The following SETBP1 variants were observed in gnomAD, a reference collection of about 807,000 sequenced individuals.
The protein encoded by SETBP1 is SET binding protein 1, also known as SET-binding protein.
A neutral mutation model predicts 101.0 loss-of-function variants in SETBP1; 9 were observed. The observed-to-expected ratio is 0.09, with a 90% CI of 0.05 to 0.16. The LOEUF (loss-of-function observed/expected upper bound fraction) is 0.16, where lower values mean the gene tolerates loss of function less well. Among genes scored for constraint, SETBP1 ranks in the 10% least tolerant of loss-of-function variants. The pLI is 1.00. For missense variants in SETBP1, 1,858 were observed against 2,033.8 expected, an observed-to-expected ratio of 0.91 and a Z score of 1.66; for synonymous variants, 818 against 788.5, an observed-to-expected ratio of 1.04 and a Z score of -0.63.
chr18:44,972,294 T>C (rs1232034814), intron 4 of SETBP1, among the ~76,000 whole-genome samples: 1 of 152,218 alleles, frequency 6.6e-6, no homozygotes, highest in Non-Finnish European at 1.5e-5. Context: ...CAGTATAGTT[T>C]GAAGTCAGGT....
intron 3 of SETBP1, among the ~76,000 whole-genome samples, chr18:44,891,317 C>A (rs1301925344): frequency 6.6e-6 from 1 of 152,076 alleles, no homozygotes; most frequent in Non-Finnish European, 1.5e-5. Context: ...CACATCAATA[C>A]AAAATGAAAT....
intron 3 of SETBP1, among the ~76,000 whole-genome samples, chr18:44,905,893 C>T (rs1432576207): frequency 6.6e-6 from 1 of 152,200 alleles, no homozygotes; most frequent in Non-Finnish European, 1.5e-5. Context: ...CCCTTGCCTC[C>T]ATGCCAGAAA....
chr18:45,040,591 A>G (rs2073489075), intron 5 of SETBP1, among the ~76,000 whole-genome samples: 1 of 152,134 alleles, frequency 6.6e-6, no homozygotes, highest in Non-Finnish European at 1.5e-5. Context: ...GGCCAAAGAC[A>G]GGTGGTCCCC....
chr18:44,866,046 G>A (rs1232423571), intron 2 of SETBP1, among the ~76,000 whole-genome samples: 1 of 152,178 alleles, frequency 6.6e-6, no homozygotes, highest in African/African-American at 2.4e-5. Flanking sequence ...ACATTTTACT[G>A]TTTCAACCAG....
intron 1 of SETBP1, chr18:44,697,151 C>A (rs945808700): frequency 6.6e-6 from 1 of 152,230 alleles, no homozygotes; most frequent in Non-Finnish European, 1.5e-5. Context: ...CCTTGGCTTC[C>A]CCAACTCTGA....
In SETBP1 at chr18:44,953,312, A is replaced by G; in HGVS notation, c.3972A>G (p.Arg1324=). 1 of 1,613,868 alleles carries G rather than the reference A, an allele frequency of 6.2e-7. No homozygotes were observed. The highest frequency in any genetic ancestry group is 8.5e-7 in the Non-Finnish European group (1 of 1,179,986). The change falls in exon 4 of 6, where the codon AGA becomes AGG. Residue 1324 remains arginine, a synonymous_variant. Coordinates refer to ENST00000649279, the MANE Select transcript of SETBP1 (RefSeq NM_015559.3). Reference sequence around the variant, plus strand: ...CCTTCAAGATGAACCGCAAGGAGAGAAGTTCTTATGACTCCTCCATGTCTC... The same window carrying G: ...CCTTCAAGATGAACCGCAAGGAGAGGAGTTCTTATGACTCCTCCATGTCTC... ...IQAFKMNRKE[R]SSYDSSMSPG...
chr18:45,067,618 T>C lies in SETBP1; in HGVS notation c.*3920T>C, dbSNP rs1011212783. The C allele has an allele frequency of 6.6e-6, 1 of 152,206 alleles. No homozygotes were observed. The highest frequency in any genetic ancestry group is 2.4e-5 in the African/African-American group (1 of 41,444). 9.4% of individuals were successfully genotyped at this position (152,206 alleles called of 1,614,324 possible). ...TGGTCCAAATGCCAGAGCTTACAGA[T>C]AATGTCATCACAGTGCCTAGAAACT... is the stretch of plus-strand genomic sequence containing the variant. On this transcript the variant is annotated 3_prime_UTR_variant, in exon 6 of 6. Transcript: ENST00000649279.
intron 4 of SETBP1, chr18:44,988,853 T>C (rs1012613066): frequency 3.3e-5 from 5 of 152,124 alleles, no homozygotes; most frequent in African/African-American, 1.2e-4. Flanking sequence ...CTCATATGAA[T>C]AGGGGGTCAG....
intron 3 of SETBP1, among the ~76,000 whole-genome samples, 164 bp from the exon 4 acceptor site, chr18:44,949,717 C>T (rs1440342288): frequency 2.0e-5 from 3 of 152,176 alleles, no homozygotes; most frequent in African/African-American, 7.2e-5. Flanking sequence ...ATTGAGAAAA[C>T]CTCTGTAAGA....
intron 4 of SETBP1, among the ~76,000 whole-genome samples, chr18:45,012,344 G>T (rs999514111): frequency 1.3e-5 from 2 of 152,142 alleles, no homozygotes; most frequent in African/African-American, 4.8e-5. Flanking sequence ...GCAGATTTCG[G>T]ATTGGCTAGT....
Position 45,013,434 on chromosome 18 carries a change from C to CTTTCTTTCT in SETBP1, c.4001-25048_4001-25047insCTTTCTTTT, listed in dbSNP as rs573114558. On this transcript the variant is annotated intron_variant, in intron 4 of 5. Coordinates refer to ENST00000649279, the MANE Select transcript of SETBP1 (RefSeq NM_015559.3). ...TGACTCTTTCTTTCTTTCTTTCTTT[C>CTTTCTTTCT]TTTTTTTTTGTTTTTTGTTTTTTGA... 5.2e-3 allele frequency among the ~76,000 whole-genome samples: 788 copies of CTTTCTTTCT among 150,492 alleles called. 3 individuals are homozygous for CTTTCTTTCT. The highest frequency in any genetic ancestry group is 0.018 in the African/African-American group (737 of 40,634).
rs141855375 is a variant in SETBP1 at position 44,863,691 on chromosome 18, C to G, written c.487-5539C>G. ...AGGCTTACTTAACAAAAGGATGGTA[C>G]CTTTGAGGGTAAATTTGAAAATGGG... is the stretch of plus-strand genomic sequence containing the variant. On this transcript the variant is annotated intron_variant, in intron 2 of 5. Transcript: ENST00000649279. 1.8e-3 allele frequency among the ~76,000 whole-genome samples: 279 copies of G among 152,186 alleles called. 1 individual carries two copies. Among genetic ancestry groups the G allele is most frequent in the African/African-American group, 6.5e-3 (271 of 41,524 alleles).
At chr18:44,909,441 A>C (rs896579594) in intron 3 of SETBP1, among the ~76,000 whole-genome samples, 1 of 152,188 alleles carries the variant, frequency 6.6e-6, no homozygotes, top group African/African-American at 2.4e-5. Flanking sequence ...GATTACAAGG[A>C]AGAGTATCTT....
At chr18:44,764,694 C>T (rs1004622417) in intron 2 of SETBP1, among the ~76,000 whole-genome samples, 4 of 152,056 alleles carry the variant, frequency 2.6e-5, no homozygotes, top group South Asian at 4.2e-4. Context: ...AGGATGGCCT[C>T]GCTCCCTGAC....
At chr18:44,792,777 C>A (rs1418944418) in intron 2 of SETBP1, among the ~76,000 whole-genome samples, 4 of 152,196 alleles carry the variant, frequency 2.6e-5, no homozygotes, top group Non-Finnish European at 4.4e-5. Flanking sequence ...AACCTGAATA[C>A]CACACACAGT....
intron 2 of SETBP1, among the ~76,000 whole-genome samples, chr18:44,843,076 A>C (rs916861008): frequency 2.0e-5 from 3 of 152,238 alleles, no homozygotes; most frequent in South Asian, 2.1e-4. Flanking sequence ...TGCAGGCCCT[A>C]GTAAGCCAGA....
rs566469380 is a variant in SETBP1, at chr18:44,864,648, C to T, written c.487-4582C>T. Among the ~76,000 whole-genome samples the T allele has an allele frequency of 2.3e-3, 346 of 152,258 alleles. 9 individuals are homozygous for T. Among genetic ancestry groups the T allele is most frequent in the Non-Finnish European group, 1.7e-3 (117 of 68,026 alleles). The stretch of plus-strand genomic sequence containing the variant: ...TCCACCAGGGAGATGAAAGAATTTT[C>T]TCCTTCCTTTGCCTTTTAAATGTAA... On this transcript the variant is annotated intron_variant, in intron 2 of 5. Transcript: ENST00000649279.
chr18:44,911,483 G>A (rs577042405), intron 3 of SETBP1, among the ~76,000 whole-genome samples: 17 of 152,298 alleles, frequency 1.1e-4, no homozygotes, highest in South Asian at 2.1e-4. Context: ...ACTCAACAGC[G>A]TTCACATTAG....
chr18:44,824,483 T>TCA (rs2072189738), intron 2 of SETBP1, among the ~76,000 whole-genome samples: 1 of 152,174 alleles, frequency 6.6e-6, no homozygotes, highest in Non-Finnish European at 1.5e-5. Context: ...TATTCATAAT[T>TCA]TTAACAATAT....
Sources: allele counts gnomAD v4.1 joint callset (sites outside exome capture counted in the v4.1 genomes callset), GRCh38; gene constraint gnomAD v4.1.1; transcripts MANE v1.5; gene names NCBI Gene and HGNC (gene_info 2026-07-23, HGNC 2026-07-21).